The following USH2A variants were observed in gnomAD, a reference collection of about 807,000 sequenced individuals.
The protein encoded by USH2A is usherin, also known as Usher syndrome 2A (autosomal recessive, mild).
In USH2A, 443 loss-of-function variants were observed where a neutral mutation model predicts 538.9. The observed-to-expected ratio is 0.82, with a 90% CI of 0.76 to 0.89. The LOEUF is 0.89. Ranked by LOEUF, USH2A falls within the 40% of genes least tolerant of loss-of-function variation. The pLI, the probability that USH2A is intolerant of heterozygous loss-of-function variation, is 0.00. For synonymous variants in USH2A, 2,413 were observed against 2,273.5 expected (o/e 1.06, Z -1.75); for missense variants, 6,633 against 6,324.8 (o/e 1.05, Z -1.65).
chr1:216,326,927 G>T (rs2037743728), intron 5 of USH2A, among the ~76,000 whole-genome samples: 1 of 152,066 alleles, frequency 6.6e-6, no homozygotes, highest in African/African-American at 2.4e-5. Flanking sequence ...ATAAGCTGAA[G>T]AAGAAAGTTC....
At chr1:216,274,932 A>G (rs2036642784) in intron 11 of USH2A, among the ~76,000 whole-genome samples, 1 of 152,100 alleles carries the variant, frequency 6.6e-6, no homozygotes, top group Non-Finnish European at 1.5e-5. Context: ...TAAAATTCTG[A>G]AGCATGCTCA....
At chr1:216,247,977 C>T (rs1158865748) in intron 12 of USH2A, among the ~76,000 whole-genome samples, 3 of 152,092 alleles carry the variant, frequency 2.0e-5, no homozygotes, top group Non-Finnish European at 2.9e-5. Context: ...AGCATATACA[C>T]TTATTTCTGA....
intron 30 of USH2A, among the ~76,000 whole-genome samples, chr1:216,050,604 C>CTTTCTTTCTTTCTTTCTTTCTTTCT (rs1195871302): frequency 1.3e-4 from 9 of 68,596 alleles, no homozygotes; most frequent in African/African-American, 4.8e-4. Flanking sequence ...TTCTTTCTTT[C>CTTTCTTTCTTTCTTTCTTTCTTTCT]TTTTTTTTTT....
intron 21 of USH2A, among the ~76,000 whole-genome samples, chr1:216,115,516 A>T (rs531814801): frequency 6.6e-6 from 1 of 152,322 alleles, no homozygotes; most frequent in South Asian, 2.1e-4. Flanking sequence ...GTACATTATA[A>T]AAAAGACTTT....
At chr1:216,163,487 T>C (rs2034104756) in intron 21 of USH2A, among the ~76,000 whole-genome samples, 1 of 152,066 alleles carries the variant, frequency 6.6e-6, no homozygotes, top group African/African-American at 2.4e-5. Flanking sequence ...TTTATTTATC[T>C]TATCTTTTGG....
At chr1:216,237,288 G>A (rs1164419789) in intron 13 of USH2A, among the ~76,000 whole-genome samples, 2 of 152,128 alleles carry the variant, frequency 1.3e-5, no homozygotes, top group Non-Finnish European at 2.9e-5. Context: ...AGAATGTGAA[G>A]CAGTAAGCCA....
Position 216,083,524 on chromosome 1 carries a change from A to T in USH2A, c.5230T>A (p.Phe1744Ile). 1.2e-6 allele frequency: 2 copies of T among 1,612,510 alleles called. No individual in the cohort carries two copies. Among genetic ancestry groups the T allele is most frequent in the Non-Finnish European group, 1.7e-6 (2 of 1,179,164 alleles). The change falls in exon 26 of 72, where the codon TTC becomes ATC. Residue 1744 changes from phenylalanine (F) to isoleucine (I), a missense_variant. By Grantham distance (21) the Phe-to-Ile change is conservative. Transcript: ENST00000307340. ...AATCCATTTAATTGGTCAGTTCTGA[A>T]CTTAAAGGAAATCTCAAAGTTCATT... ...GGMNFEISFK[F>I]RTDQLNGLLL... is the part of the protein sequence containing the mutation.
intron 21 of USH2A, among the ~76,000 whole-genome samples, chr1:216,167,063 C>A (rs183742710): frequency 2.4e-4 from 36 of 152,162 alleles, no homozygotes. Flanking sequence ...CTGAGCCTCC[C>A]TTTTCAAAGC....
At chr1:216,134,242 AT>A (rs1291497277) in intron 21 of USH2A, among the ~76,000 whole-genome samples, 4 of 152,128 alleles carry the variant, frequency 2.6e-5, no homozygotes, top group Admixed American at 2.0e-4. Flanking sequence ...TTCTTCTCAT[AT>A]TTCTTATTTA....
intron 54 of USH2A, 127 bp from the exon 55 acceptor site, chr1:215,780,168 G>A (rs1490718360): frequency 1.9e-6 from 2 of 1,060,332 alleles, no homozygotes; most frequent in South Asian, 1.4e-5. Context: ...GCTTGGAGAA[G>A]CATTTCCCTT....
intron 35 of USH2A, among the ~76,000 whole-genome samples, chr1:215,983,005 C>T (rs1438872885): frequency 2.0e-5 from 3 of 152,150 alleles, no homozygotes; most frequent in Non-Finnish European, 4.4e-5. Context: ...GGCTGGAGTG[C>T]AATGGCACAC....
At position 216,103,180 on chromosome 1, in the gene USH2A, G is replaced by A. The variant is rs114437825; in HGVS notation, c.4628-5967C>T. On this transcript the variant is annotated intron_variant, in intron 21 of 71. Transcript: ENST00000307340. ...GTAATCCTGGCTGGGATTTAGAAAGGGCACAAGGCAGGCCCACTGGGGGCC... is the reference window on the plus strand; with the variant it reads ...GTAATCCTGGCTGGGATTTAGAAAGAGCACAAGGCAGGCCCACTGGGGGCC... Among the ~76,000 whole-genome samples, 681 of 152,318 alleles carry A rather than the reference G, an allele frequency of 4.5e-3. 4 individuals carry two copies. Among genetic ancestry groups the A allele is most frequent in the African/African-American group, 0.016 (660 of 41,574 alleles).
chr1:216,019,865 T>A (rs1470920518), intron 32 of USH2A, among the ~76,000 whole-genome samples: 1 of 152,184 alleles, frequency 6.6e-6, no homozygotes, highest in Admixed American at 6.6e-5. Flanking sequence ...TAAATAAATA[T>A]CCTATTAGAA....
chr1:215,946,430 A>G (rs1422181790), intron 37 of USH2A, among the ~76,000 whole-genome samples: 2 of 152,218 alleles, frequency 1.3e-5, no homozygotes, highest in African/African-American at 4.8e-5. Context: ...TATTTGCCTT[A>G]AGAAAATTGG....
chr1:215,758,454 G>T, intron 58 of USH2A, 141 bp downstream of exon 58: 2 of 1,002,158 alleles, frequency 2.0e-6, no homozygotes, highest in African/African-American at 1.6e-5. Flanking sequence ...TAGAAGTGTG[G>T]TTTAGATTTT....
At chr1:216,095,199 G>A (rs2032410440) in intron 22 of USH2A, among the ~76,000 whole-genome samples, 1 of 151,726 alleles carries the variant, frequency 6.6e-6, no homozygotes, top group African/African-American at 2.4e-5. Context: ...TTTTTCTTGA[G>A]CATGTGCTTT....
intron 21 of USH2A, among the ~76,000 whole-genome samples, chr1:216,120,983 T>C (rs2033127004): frequency 6.6e-6 from 1 of 152,222 alleles, no homozygotes; most frequent in Admixed American, 6.5e-5. Flanking sequence ...TAACATGTCA[T>C]ATTTGATAGT....
chr1:216,199,140 GT>G (rs1376663792), intron 17 of USH2A, among the ~76,000 whole-genome samples: 1 of 152,190 alleles, frequency 6.6e-6, no homozygotes, highest in African/African-American at 2.4e-5. Flanking sequence ...TTAAAAATCT[GT>G]GAATGTGTGT....
At chr1:216,276,374 A>C (rs142667648) in intron 11 of USH2A, among the ~76,000 whole-genome samples, 21 of 152,200 alleles carry the variant, frequency 1.4e-4, no homozygotes, top group African/African-American at 4.1e-4. Context: ...CACCAAAACA[A>C]CATGTGGGTA....
Sources: allele counts gnomAD v4.1 joint callset (sites outside exome capture counted in the v4.1 genomes callset), GRCh38; gene constraint gnomAD v4.1.1; transcripts MANE v1.5; gene names NCBI Gene and HGNC (gene_info 2026-07-23, HGNC 2026-07-21).